Variants in FTCDNL1 observed in about 807,000 individuals in gnomAD.
The protein encoded by FTCDNL1 is formiminotransferase cyclodeaminase N-terminal like.
A neutral mutation model predicts 5.9 loss-of-function variants in FTCDNL1; 11 were observed. The ratio of observed to expected loss-of-function variants is 1.87; its 90% CI spans 1.18 to 3.10. The LOEUF (loss-of-function observed/expected upper bound fraction) is 3.10. FTCDNL1 is among the 30% of genes most tolerant of loss of function. The pLI is 0.00. For synonymous variants in FTCDNL1, 58 were observed against 24.8 expected, an observed-to-expected ratio of 2.34 and a Z score of -3.99; for missense variants, 115 against 65.5, an observed-to-expected ratio of 1.76 and a Z score of -2.61.
the FTCDNL1 span, among the ~76,000 whole-genome samples, chr2:199,704,186 T>C: frequency 6.6e-6 from 1 of 152,160 alleles, no homozygotes; most frequent in African/African-American, 2.4e-5. Flanking sequence ...TCAGTTTGTA[T>C]TTTCCAACAC....
chr2:199,750,543 A>G, the FTCDNL1 span, among the ~76,000 whole-genome samples: 621 of 152,220 alleles, frequency 4.1e-3, 5 homozygotes, highest in African/African-American at 0.014. Flanking sequence ...TTCTGAGAAG[A>G]CCTTAACTTA....
intron 3 of FTCDNL1, among the ~76,000 whole-genome samples, chr2:199,778,791 T>G (rs930950396): frequency 2.0e-5 from 3 of 152,212 alleles, no homozygotes; most frequent in Non-Finnish European, 4.4e-5. Flanking sequence ...AAAATAAACA[T>G]GTTCATTGCT....
At chr2:199,705,606 C>T in the FTCDNL1 span, among the ~76,000 whole-genome samples, 1 of 152,266 alleles carries the variant, frequency 6.6e-6, no homozygotes, top group African/African-American at 2.4e-5. Context: ...TGCCTTACTG[C>T]TCTCACTACA....
intron 3 of FTCDNL1, among the ~76,000 whole-genome samples, chr2:199,786,095 T>G (rs111784166): frequency 0.014 from 2,054 of 152,110 alleles, 38 homozygotes; most frequent in African/African-American, 0.047. Context: ...GCTGCTCACC[T>G]CCTGCTGTGC....
the FTCDNL1 span, among the ~76,000 whole-genome samples, chr2:199,673,327 CAAAAAA>C: frequency 4.3e-5 from 3 of 69,792 alleles, no homozygotes; most frequent in East Asian, 4.3e-4. Flanking sequence ...GACTCTGTCT[CAAAAAA>C]AAAAAAAAAA....
At position 199,784,766 on chromosome 2, in the gene FTCDNL1, G is replaced by A. The variant is rs537500360; in HGVS notation, c.212-23931C>T. Among the ~76,000 whole-genome samples the A allele has an allele frequency of 1.2e-3, 181 of 152,248 alleles. 1 individual carries two copies. Among genetic ancestry groups the A allele is most frequent in the African/African-American group, 3.6e-3 (149 of 41,536 alleles). On this transcript the variant is annotated intron_variant, in intron 3 of 3. Coordinates refer to the FTCDNL1 transcript ENST00000416668. ...TGTGGCCTGGGTAAGGCGACTCTCC[G>A]GCTGGGGACAGTTCCTGGGGAGAAA...
the FTCDNL1 span, among the ~76,000 whole-genome samples, chr2:199,683,021 G>A: frequency 6.6e-6 from 1 of 152,156 alleles, no homozygotes; most frequent in African/African-American, 2.4e-5. Flanking sequence ...CTATAATTGT[G>A]AGGAGAGAAC....
intron 3 of FTCDNL1, among the ~76,000 whole-genome samples, chr2:199,826,587 C>G (rs1028333634): frequency 1.3e-5 from 2 of 151,244 alleles, no homozygotes; most frequent in African/African-American, 4.9e-5. Flanking sequence ...TTGAGGTCGA[C>G]AGGTCAAGCC....
At chr2:199,692,425 G>A in the FTCDNL1 span, among the ~76,000 whole-genome samples, 1 of 152,182 alleles carries the variant, frequency 6.6e-6, no homozygotes, top group African/African-American at 2.4e-5. Context: ...TTGAAAAATA[G>A]TTGGTATGTT....
At chr2:199,670,828 G>T in the FTCDNL1 span, among the ~76,000 whole-genome samples, 4 of 152,248 alleles carry the variant, frequency 2.6e-5, no homozygotes, top group East Asian at 3.9e-4. Context: ...CCTACTAAGA[G>T]GTTGGTTAGA....
the FTCDNL1 span, among the ~76,000 whole-genome samples, chr2:199,686,288 G>A: frequency 6.6e-6 from 1 of 152,208 alleles, no homozygotes; most frequent in Non-Finnish European, 1.5e-5. Flanking sequence ...CTGGAGTGCA[G>A]TTGGGCTTTG....
chr2:199,689,053 C>T, the FTCDNL1 span, among the ~76,000 whole-genome samples: 2 of 152,142 alleles, frequency 1.3e-5, no homozygotes, highest in Admixed American at 6.5e-5. Flanking sequence ...AATACCAAAA[C>T]ATATGGAAAT....
chr2:199,673,580 C>T, the FTCDNL1 span, among the ~76,000 whole-genome samples: 2 of 152,020 alleles, frequency 1.3e-5, no homozygotes, highest in African/African-American at 2.4e-5. Flanking sequence ...AATTGGAATA[C>T]AGAAACAAAC....
exon 4 of FTCDNL1, chr2:199,760,797 G>T (rs751318718): frequency 1.4e-6 from 1 of 702,188 alleles, no homozygotes; most frequent in Admixed American, 2.0e-5. Flanking sequence ...TGTCGACCTC[G>T]CAACAGCACT....
chr2:199,719,918 G>A, the FTCDNL1 span, among the ~76,000 whole-genome samples: 14 of 152,108 alleles, frequency 9.2e-5, no homozygotes, highest in Admixed American at 5.9e-4. Flanking sequence ...CTATTTGTTC[G>A]TGTCATCTAT....
chr2:199,800,546 A>C (rs535798259), intron 3 of FTCDNL1, among the ~76,000 whole-genome samples: 1 of 152,212 alleles, frequency 6.6e-6, no homozygotes, highest in African/African-American at 2.4e-5. Context: ...TTTAACTACA[A>C]TTATTGTGAA....
At chr2:199,823,388 C>T (rs973905163) in intron 3 of FTCDNL1, among the ~76,000 whole-genome samples, 1 of 152,050 alleles carries the variant, frequency 6.6e-6, no homozygotes, top group Non-Finnish European at 1.5e-5. Flanking sequence ...ATCCTTTCCA[C>T]AAGGTTTTCA....
At chr2:199,834,889 AT>A (rs1391619458) in intron 3 of FTCDNL1, among the ~76,000 whole-genome samples, 1 of 152,174 alleles carries the variant, frequency 6.6e-6, no homozygotes, top group Non-Finnish European at 1.5e-5. Context: ...ATTGTCAGAA[AT>A]TCTAGCTGTG....
At chr2:199,669,817 G>A in the FTCDNL1 span, among the ~76,000 whole-genome samples, 25 of 152,202 alleles carry the variant, frequency 1.6e-4, no homozygotes, top group Admixed American at 4.6e-4. Flanking sequence ...GCAATGCTGG[G>A]TCACTCTTCC....
Sources: allele counts gnomAD v4.1 joint callset (sites outside exome capture counted in the v4.1 genomes callset), GRCh38; gene constraint gnomAD v4.1.1; transcripts MANE v1.5; gene names NCBI Gene and HGNC (gene_info 2026-07-23, HGNC 2026-07-21).